Variants in SSBP3 observed in about 807,000 individuals in gnomAD.
The protein encoded by SSBP3 is single stranded DNA binding protein 3, also known as single-stranded DNA-binding protein 3.
A neutral mutation model predicts 69.6 loss-of-function variants in SSBP3; 5 were observed. That is an observed-to-expected ratio of 0.07 (90% confidence interval 0.04 to 0.15). The LOEUF is 0.15. Ranked by LOEUF, SSBP3 falls within the 10% of genes least tolerant of loss-of-function variation. The pLI is 1.00. For missense variants in SSBP3, 312 were observed against 534.0 expected (o/e 0.58, Z 4.10); for synonymous variants, 196 against 193.4 (o/e 1.01, Z -0.11).
chr1:54,229,193 G>A (rs569793060), intron 14 of SSBP3, among the ~76,000 whole-genome samples: 1 of 152,198 alleles, frequency 6.6e-6, no homozygotes, highest in Non-Finnish European at 1.5e-5. Flanking sequence ...ACAGCTCTCC[G>A]ACCATGTCAG....
intron 4 of SSBP3, among the ~76,000 whole-genome samples, chr1:54,335,174 T>C (rs899422412): frequency 1.8e-4 from 28 of 152,144 alleles, no homozygotes; most frequent in Admixed American, 6.5e-5. Context: ...CAGAATCCCA[T>C]CAAGAAGGGC....
chr1:54,257,348 C>G (rs1644939440), intron 6 of SSBP3, 162 bp from the exon 7 acceptor site: 1 of 574,732 alleles, frequency 1.7e-6, no homozygotes, highest in Admixed American at 4.0e-5. Flanking sequence ...TTCCTTTGGG[C>G]AGAGGGAACA....
At chr1:54,280,326 CAT>C (rs1645367440) in intron 5 of SSBP3, among the ~76,000 whole-genome samples, 1 of 152,220 alleles carries the variant, frequency 6.6e-6, no homozygotes, top group African/African-American at 2.4e-5. Flanking sequence ...TTTGCTTAGA[CAT>C]CTCTAGGGCC....
At position 54,241,561 on chromosome 1, in the gene SSBP3, G is replaced by A. The variant is rs375854339; in HGVS notation, c.766-52C>T. On this transcript the variant is annotated intron_variant, in intron 11 of 17. Transcript: ENST00000610401. ...ACGTCAGAGTCACTGAGTGCCCTCA[G>A]CTGCCAAACCTCCCTGAGGACACGA... 3.9e-4 allele frequency: 615 copies of A among 1,593,870 alleles called. 4 individuals carry two copies. In the African/African-American group the frequency reaches 7.3e-3, roughly 19 times the overall value.
At chr1:54,296,206 T>TC (rs1645700808) in intron 4 of SSBP3, among the ~76,000 whole-genome samples, 1 of 152,190 alleles carries the variant, frequency 6.6e-6, no homozygotes, top group African/African-American at 2.4e-5. Context: ...CAGCCTTAAC[T>TC]CCCAAAGGTT....
chr1:54,257,597 A>G (rs1391367861), intron 6 of SSBP3, among the ~76,000 whole-genome samples: 1 of 152,198 alleles, frequency 6.6e-6, no homozygotes, highest in South Asian at 2.1e-4. Context: ...ACACAGGCAC[A>G]CGCACACAGA....
chr1:54,410,501 T>G (rs1649960581), upstream of SSBP3, among the ~76,000 whole-genome samples: 1 of 152,202 alleles, frequency 6.6e-6, no homozygotes, highest in South Asian at 2.1e-4. Flanking sequence ...GGGGGCTGTT[T>G]CAGTGGAAGC....
intron 7 of SSBP3, among the ~76,000 whole-genome samples, chr1:54,256,457 T>C (rs1434950280): frequency 6.6e-6 from 1 of 152,172 alleles, no homozygotes; most frequent in Non-Finnish European, 1.5e-5. Context: ...TGGGGTCTGA[T>C]TTCTCCAGAC....
At chr1:54,275,137 C>T (rs1645260981) in intron 5 of SSBP3, among the ~76,000 whole-genome samples, 1 of 152,212 alleles carries the variant, frequency 6.6e-6, no homozygotes, top group Admixed American at 6.5e-5. Context: ...GTGGCTGCCT[C>T]TTGGGTGGCT....
intron 9 of SSBP3, among the ~76,000 whole-genome samples, chr1:54,245,520 C>CA (rs1249398483): frequency 1.3e-5 from 2 of 152,192 alleles, no homozygotes; most frequent in East Asian, 3.9e-4. Context: ...GATCATCTTC[C>CA]AAATCTCACC....
At chr1:54,354,521 G>A (rs996836767) in intron 4 of SSBP3, among the ~76,000 whole-genome samples, 35 of 152,252 alleles carry the variant, frequency 2.3e-4, no homozygotes, top group African/African-American at 8.2e-4. Context: ...TTGTCATGTG[G>A]TTCTCGGCGT....
chr1:54,326,417 TG>T (rs1646305913), intron 4 of SSBP3: 1 of 152,474 alleles, frequency 6.6e-6, no homozygotes, highest in East Asian at 1.9e-4. Flanking sequence ...AAGCCTGGTT[TG>T]GTATCTCCTC....
intron 5 of SSBP3, among the ~76,000 whole-genome samples, chr1:54,280,565 C>A (rs1645371835): frequency 6.7e-6 from 1 of 148,490 alleles, no homozygotes; most frequent in Non-Finnish European, 1.5e-5. Context: ...TCAAACTCAG[C>A]TGCCGACAGG....
chr1:54,320,378 C>T (rs985654589), intron 4 of SSBP3, among the ~76,000 whole-genome samples: 9 of 152,220 alleles, frequency 5.9e-5, no homozygotes, highest in South Asian at 2.1e-4. Context: ...AGTGCAATGA[C>T]GCGATCTTGG....
At chr1:54,339,599 A>G (rs1646571088) in intron 4 of SSBP3, among the ~76,000 whole-genome samples, 1 of 151,790 alleles carries the variant, frequency 6.6e-6, no homozygotes, top group African/African-American at 2.4e-5. Flanking sequence ...AGGAGAGGGG[A>G]ATCTCTAGTG....
intron 4 of SSBP3, among the ~76,000 whole-genome samples, chr1:54,288,655 G>C (rs1306882178): frequency 6.6e-6 from 1 of 152,002 alleles, no homozygotes; most frequent in South Asian, 2.1e-4. Context: ...TTCCTGGTAA[G>C]GAAACTGAGG....
intron 4 of SSBP3, among the ~76,000 whole-genome samples, chr1:54,369,048 T>C (rs1266273021): frequency 6.6e-6 from 1 of 152,226 alleles, no homozygotes; most frequent in African/African-American, 2.4e-5. Context: ...ATTTTTGTTT[T>C]ATTATTTGCA....
intron 1 of SSBP3, among the ~76,000 whole-genome samples, chr1:54,412,022 G>C (rs1650006786): frequency 6.6e-6 from 1 of 152,020 alleles, no homozygotes; most frequent in African/African-American, 2.4e-5. Context: ...AGTTCTCTCA[G>C]CCTGGGACCA....
chr1:54,292,343 T>C (rs1371869531), intron 4 of SSBP3, among the ~76,000 whole-genome samples: 2 of 152,088 alleles, frequency 1.3e-5, no homozygotes, highest in Non-Finnish European at 2.9e-5. Context: ...TGACAGAAAC[T>C]AGCTAGGTAA....
Sources: allele counts gnomAD v4.1 joint callset (sites outside exome capture counted in the v4.1 genomes callset), GRCh38; gene constraint gnomAD v4.1.1; transcripts MANE v1.5; gene names NCBI Gene and HGNC (gene_info 2026-07-23, HGNC 2026-07-21).